Variants in PDE4D observed in about 807,000 individuals in gnomAD.
PDE4D encodes phosphodiesterase 4D.
In PDE4D, 24 loss-of-function variants were observed where a neutral mutation model predicts 87.4. That is an observed-to-expected ratio of 0.27 (90% CI 0.20 to 0.39). The LOEUF is 0.39. Ranked by LOEUF, PDE4D falls within the 10% of genes least tolerant of loss-of-function variation. The pLI, the probability that PDE4D is intolerant of heterozygous loss-of-function variation, is 1.00. For synonymous variants in PDE4D, 384 were observed against 383.2 expected (o/e 1.00, Z -0.02); for missense variants, 714 against 1,041.0 (o/e 0.69, Z 4.32).
At chr5:59,369,442 G>A (rs746761736) in intron 1 of PDE4D, among the ~76,000 whole-genome samples, 13 of 152,126 alleles carry the variant, frequency 8.5e-5, no homozygotes, top group South Asian at 2.1e-4. Context: ...ATTGGAGTGC[G>A]TAGTTTATTT....
intron 1 of PDE4D, among the ~76,000 whole-genome samples, chr5:60,276,026 G>A (rs981056773): frequency 1.3e-5 from 2 of 152,086 alleles, no homozygotes; most frequent in African/African-American, 2.4e-5. Context: ...TTTTGAAATT[G>A]GTTGAGGTTC....
chr5:59,015,458 G>A (rs1216448037), intron 6 of PDE4D, among the ~76,000 whole-genome samples: 8 of 152,092 alleles, frequency 5.3e-5, no homozygotes, highest in Admixed American at 1.3e-4. Context: ...CAAAAAGTGG[G>A]TGAAGTATAT....
intron 2 of PDE4D, among the ~76,000 whole-genome samples, chr5:60,114,961 G>A (rs560608533): frequency 5.7e-4 from 61 of 107,308 alleles, no homozygotes; most frequent in African/African-American, 1.8e-3. Flanking sequence ...TGGATGGATG[G>A]ATGGATGGAT....
intron 1 of PDE4D, among the ~76,000 whole-genome samples, chr5:60,508,284 C>T (rs1750412868): frequency 6.6e-6 from 1 of 152,198 alleles, no homozygotes; most frequent in South Asian, 2.1e-4. Flanking sequence ...AATGTCAATA[C>T]TGTTGATTAC....
rs11402131 is a variant in PDE4D, at chr5:59,586,505, C to CAA, written c.455+306661_455+306662dup. 44,325 of 1,122,172 alleles carry CAA rather than the reference C, an allele frequency of 0.039. 1,523 individuals are homozygous for CAA. The highest frequency in any genetic ancestry group is 0.25 in the African/African-American group (14,406 of 58,200). 69.5% of individuals were successfully genotyped at this position (1,122,172 alleles called of 1,614,324 possible). A position where few individuals can be genotyped will look rare whatever the true frequency, so the allele number is the denominator to read the frequency against. ...AATTATTGCAACAAGTATTGAATCCCAAAAAAAAAAAAAAAATCTCCCCCC... is the reference window on the plus strand; with the variant it reads ...AATTATTGCAACAAGTATTGAATCCCAAAAAAAAAAAAAAAAAATCTCCCCCC... On this transcript the variant is annotated intron_variant, in intron 1 of 14. Coordinates refer to ENST00000340635, the MANE Select transcript of PDE4D (RefSeq NM_001104631.2).
intron 3 of PDE4D, among the ~76,000 whole-genome samples, chr5:59,928,054 G>A (rs575721152): frequency 2.0e-5 from 3 of 152,292 alleles, no homozygotes; most frequent in South Asian, 2.1e-4. Flanking sequence ...CGTGGTGTGA[G>A]CAGTGCATAG....
In PDE4D at chr5:60,496,233, T is replaced by A. The variant is rs186168818; in HGVS notation, n.70+25818A>T. ...CTGAGTATAGGACAAAGCGCTGTTG[T>A]TTAAGAACATAAATAACAAAAGCTT... On this transcript the variant is annotated intron_variant and non_coding_transcript_variant, in intron 1 of 2. Coordinates refer to the PDE4D transcript ENST00000506510. Among the ~76,000 whole-genome samples, 37 of 152,282 alleles carry A rather than the reference T, an allele frequency of 2.4e-4. No homozygotes were observed. The South Asian group carries it at 3.9e-3, about 16-fold the overall frequency.
intron 1 of PDE4D, among the ~76,000 whole-genome samples, chr5:59,422,600 C>G (rs1386577194): frequency 6.6e-6 from 1 of 152,160 alleles, no homozygotes. Context: ...CCATGAAAAA[C>G]TAAAAAGAAA....
At chr5:60,327,335 A>G (rs989734589) in intron 1 of PDE4D, among the ~76,000 whole-genome samples, 1 of 152,216 alleles carries the variant, frequency 6.6e-6, no homozygotes, top group Non-Finnish European at 1.5e-5. Context: ...CTGTGTGTAC[A>G]GGATTCTTCT....
chr5:60,290,947 C>A (rs1025620490), intron 1 of PDE4D, among the ~76,000 whole-genome samples: 4 of 152,102 alleles, frequency 2.6e-5, no homozygotes, highest in African/African-American at 4.8e-5. Flanking sequence ...TACAAATAGA[C>A]AAATAGTAAG....
intron 1 of PDE4D, among the ~76,000 whole-genome samples, chr5:59,391,459 C>T (rs768174403): frequency 3.9e-5 from 6 of 152,010 alleles, no homozygotes; most frequent in Non-Finnish European, 7.4e-5. Context: ...CCTGTCTGTC[C>T]AAAGGATGAT....
chr5:59,976,612 T>C (rs1049332351), intron 3 of PDE4D, among the ~76,000 whole-genome samples: 1 of 152,194 alleles, frequency 6.6e-6, no homozygotes, highest in Non-Finnish European at 1.5e-5. Context: ...TAAATCTCTT[T>C]TCTTTGTAAA....
chr5:59,203,624 TAC>T (rs79799414), intron 2 of PDE4D, among the ~76,000 whole-genome samples: 1 of 151,100 alleles, frequency 6.6e-6, no homozygotes, highest in African/African-American at 2.4e-5. Flanking sequence ...AAATGTTATA[TAC>T]ACACACACAC....
At chr5:59,609,169 G>A (rs928881673) in intron 1 of PDE4D, among the ~76,000 whole-genome samples, 1 of 152,032 alleles carries the variant, frequency 6.6e-6, no homozygotes, top group African/African-American at 2.4e-5. Flanking sequence ...GGATTGGATG[G>A]GAAGTAGAAG....
rs114819152 is a variant in PDE4D at position 59,426,078 on chromosome 5, C to A, written c.456-210110G>T. ...ATTTTGACACATACAGAGATCCCAG[C>A]GATGCCTGCGCACAGAGGAAAGGCC... is the stretch of plus-strand genomic sequence containing the variant. On this transcript the variant is annotated intron_variant, in intron 1 of 14. Coordinates refer to ENST00000340635, the MANE Select transcript of PDE4D (RefSeq NM_001104631.2). 7.4e-3 allele frequency among the ~76,000 whole-genome samples: 1,119 copies of A among 152,204 alleles called. 16 individuals are homozygous for A. Among genetic ancestry groups the A allele is most frequent in the African/African-American group, 0.025 (1,018 of 41,520 alleles).
intron 1 of PDE4D, among the ~76,000 whole-genome samples, chr5:60,228,411 G>C (rs1274877661): frequency 2.6e-5 from 4 of 151,996 alleles, no homozygotes; most frequent in African/African-American, 9.7e-5. Context: ...AGAGTATATG[G>C]GTAACTAGTA....
intron 2 of PDE4D, among the ~76,000 whole-genome samples, chr5:60,159,128 C>T (rs146425917): frequency 8.9e-4 from 136 of 152,238 alleles, no homozygotes; most frequent in African/African-American, 3.2e-3. Context: ...GAAACCCATA[C>T]ATTAGCCTAG....
chr5:60,460,660 G>A, intron 1 of PDE4D: 1 of 1,114,540 alleles, frequency 9.0e-7, no homozygotes, highest in East Asian at 2.4e-5. Context: ...AGAGGCCAAT[G>A]TCTCCTCCGG....
intron 1 of PDE4D, among the ~76,000 whole-genome samples, chr5:59,281,126 C>T (rs968697155): frequency 1.3e-5 from 2 of 152,086 alleles, no homozygotes; most frequent in African/African-American, 2.4e-5. Flanking sequence ...ATATAATATA[C>T]ATGTTCATAC....
Sources: gnomAD v4.1 joint callset for allele counts (sites outside exome capture counted in the v4.1 genomes callset) on GRCh38, gnomAD v4.1.1 for gene constraint, MANE v1.5 for transcripts, NCBI Gene and HGNC (gene_info 2026-07-23, HGNC 2026-07-21) for gene names.